HDX: variants seen among roughly 807,000 people sequenced by gnomAD.
HDX encodes the protein chromosome X open reading frame 43.
HDX carries 19 observed loss-of-function variants against 45.2 expected under a neutral mutation model. That is an observed-to-expected ratio of 0.42 (90% CI 0.29 to 0.62). The LOEUF is 0.62. HDX is among the 20% of genes least tolerant of loss of function. The pLI, the probability that HDX is intolerant of heterozygous loss-of-function variation, is 0.20. For synonymous variants in HDX, 188 were observed against 172.8 expected (o/e 1.09, Z -0.69); for missense variants, 532 against 493.9 (o/e 1.08, Z -0.73).
At chrX:84,390,106 A>G in intron 5 of HDX, among the ~76,000 whole-genome samples, 1 of 109,383 alleles carries the variant, frequency 9.1e-6, no homozygotes, top group Admixed American at 9.8e-5. Context: ...TTCCCACATT[A>G]TGGTGGTTTA....
intron 6 of HDX, among the ~76,000 whole-genome samples, chrX:84,355,665 G>C (rs963144874): frequency 1.8e-5 from 2 of 108,999 alleles, no homozygotes; most frequent in Admixed American, 1.0e-4. Flanking sequence ...ACAATGAGAA[G>C]ACTTGGACAC....
chrX:84,329,872 T>C (rs1295437141), intron 9 of HDX, among the ~76,000 whole-genome samples: 1 of 111,460 alleles, frequency 9.0e-6, no homozygotes, highest in African/African-American at 3.3e-5. Flanking sequence ...ATTGCGCACA[T>C]TAAGTGAGAA....
At chrX:84,346,697 G>A (rs1219722473) in intron 6 of HDX, among the ~76,000 whole-genome samples, 2 of 110,978 alleles carry the variant, frequency 1.8e-5, no homozygotes, top group Admixed American at 9.6e-5. Flanking sequence ...AACAAAAATG[G>A]ACCTTGTTCT....
At chrX:84,414,831 A>G (rs755055026) in intron 5 of HDX, among the ~76,000 whole-genome samples, 20 of 112,058 alleles carry the variant, frequency 1.8e-4, no homozygotes, top group Non-Finnish European at 3.4e-4. Context: ...CTAACTCTCC[A>G]CATTTTTACA....
At position 84,469,407 on chromosome X, in the gene HDX, T is replaced by A; in HGVS notation, c.316A>T (p.Ile106Phe). The change falls in exon 4 of 11, where the codon ATT (isoleucine) becomes TTT (phenylalanine). Residue 106 changes from isoleucine (I) to phenylalanine (F), a missense_variant. Transcript: ENST00000373177. ...SSWTSANNDVIVTGIYSPASS... is the reference protein window; with the variant it reads ...SSWTSANNDVFVTGIYSPASS... ...GCTGGACTGTATATACCAGTTACAA[T>A]GACATCATTATTGGCAGATGTCCAA... is the stretch of plus-strand genomic sequence containing the variant. The A allele has an allele frequency of 1.7e-6, 2 of 1,210,354 alleles. No individual in the cohort carries two copies.
At chrX:84,466,873 C>A (rs73508933) in intron 4 of HDX, among the ~76,000 whole-genome samples, 23,627 of 110,639 alleles carry the variant, frequency 0.21, 1,967 homozygotes, top group Non-Finnish European at 0.26. Context: ...CCTATCTGTC[C>A]AGATCATCAT....
intron 9 of HDX, among the ~76,000 whole-genome samples, chrX:84,331,935 A>C (rs1197242714): frequency 3.6e-5 from 4 of 111,549 alleles, no homozygotes; most frequent in Non-Finnish European, 7.5e-5. Flanking sequence ...ATTGCCTAAC[A>C]ATGCATTTCT....
intron 5 of HDX, among the ~76,000 whole-genome samples, chrX:84,407,831 G>A (rs1446341014): frequency 9.0e-6 from 1 of 111,461 alleles, no homozygotes; most frequent in Non-Finnish European, 1.9e-5. Flanking sequence ...TGTTGGCCGC[G>A]TGTCTGTATT....
chrX:84,450,096 A>C (rs897124998), intron 4 of HDX, among the ~76,000 whole-genome samples: 3 of 82,740 alleles, frequency 3.6e-5, no homozygotes, highest in African/African-American at 1.2e-4. Context: ...CCTAAAACTT[A>C]AAGTATAATA....
intron 1 of HDX, among the ~76,000 whole-genome samples, chrX:84,491,113 C>A (rs751930468): frequency 9.0e-6 from 1 of 111,232 alleles, no homozygotes; most frequent in Non-Finnish European, 1.9e-5. Flanking sequence ...TTCAACTGTT[C>A]GTTTTTAGAT....
intron 5 of HDX, among the ~76,000 whole-genome samples, chrX:84,395,309 C>G (rs2038535128): frequency 9.2e-6 from 1 of 109,244 alleles, no homozygotes; most frequent in African/African-American, 3.3e-5. Context: ...CTTTACTTTT[C>G]CTACATTTAT....
At chrX:84,326,137 A>T in intron 10 of HDX, 41 bp downstream of exon 10, 2 of 1,179,867 alleles carry the variant, frequency 1.7e-6, no homozygotes, top group Non-Finnish European at 2.3e-6. Flanking sequence ...CCATTTTTTG[A>T]CTTGATACAT....
rs144008581 is a variant in HDX at position 84,414,378 on chromosome X, T to A, written c.1305+26154A>T. ...ACACTGACTGGCTGGATCTTCAAGT[T>A]ACTGACTGCTTTCTCCAGGTTTGCT... On this transcript the variant is annotated intron_variant, in intron 5 of 10. Transcript: ENST00000373177. Among the ~76,000 whole-genome samples the A allele has an allele frequency of 6.3e-5, 7 of 111,635 alleles. No individual in the cohort carries two copies. The East Asian group carries it at 2.0e-3, about 32-fold the overall frequency.
intron 5 of HDX, among the ~76,000 whole-genome samples, chrX:84,377,511 A>G (rs2038085078): frequency 8.9e-6 from 1 of 111,792 alleles, no homozygotes; most frequent in South Asian, 3.7e-4. Flanking sequence ...TACAGAGAAG[A>G]AATTCAGAAT....
At chrX:84,434,438 TG>T (rs1239782893) in intron 5 of HDX, among the ~76,000 whole-genome samples, 1 of 111,903 alleles carries the variant, frequency 8.9e-6, no homozygotes, top group Admixed American at 9.5e-5. Flanking sequence ...ATTGAGATAA[TG>T]TTTTTTTCTT....
intron 4 of HDX, among the ~76,000 whole-genome samples, chrX:84,459,200 T>C (rs2040181507): frequency 9.0e-6 from 1 of 111,118 alleles, no homozygotes. Context: ...CCCAGCACTT[T>C]GGGAGGCCAA....
chrX:84,469,361 C>A lies in HDX; in HGVS notation c.362G>T (p.Gly121Val). The A allele has an allele frequency of 2.5e-6, 3 of 1,209,947 alleles. No homozygotes were observed. Among genetic ancestry groups the A allele is most frequent in the Non-Finnish European group, 3.4e-6 (3 of 894,805 alleles). Residue 121 changes from glycine (G) to valine (V), a missense_variant, in exon 4 of 11, where the codon GGA (glycine) becomes GTA (valine). Coordinates refer to ENST00000373177, the MANE Select transcript of HDX (RefSeq NM_001177479.2). ...TTGTGTGTCTGTATGTTTGTTTGTT[C>A]CTTGCCTACTTGATGAACTGGCTGG... is the stretch of plus-strand genomic sequence containing the variant. The part of the protein sequence containing the change: ...YSPASSSSRQ[G>V]TNKHTDTQIT...
At chrX:84,454,632 G>T (rs1426657148) in intron 4 of HDX, among the ~76,000 whole-genome samples, 3 of 111,138 alleles carry the variant, frequency 2.7e-5, no homozygotes, top group Non-Finnish European at 5.7e-5. Context: ...CTTTGGACCT[G>T]CCAGGGGCCA....
At chrX:84,437,493 T>G (rs1303258285) in intron 5 of HDX, among the ~76,000 whole-genome samples, 1 of 111,430 alleles carries the variant, frequency 9.0e-6, no homozygotes, top group African/African-American at 3.3e-5. Context: ...CCTGGCCTAC[T>G]TTTATTGGCT....
Sources: gnomAD v4.1 joint callset for allele counts (sites outside exome capture counted in the v4.1 genomes callset) on GRCh38, gnomAD v4.1.1 for gene constraint, MANE v1.5 for transcripts, NCBI Gene and HGNC (gene_info 2026-07-23, HGNC 2026-07-21) for gene names.